Variants in KMO observed in about 807,000 individuals in gnomAD.
The protein encoded by KMO is kynurenine 3-hydroxylase.
A neutral mutation model predicts 57.8 loss-of-function variants in KMO; 24 were observed. The observed-to-expected ratio is 0.42, with a 90% CI of 0.30 to 0.58. The LOEUF (loss-of-function observed/expected upper bound fraction) is 0.58. Among genes scored for constraint, KMO ranks in the 20% least tolerant of loss-of-function variants. KMO has a pLI of 0.22. For synonymous variants in KMO, 210 were observed against 193.6 expected, an observed-to-expected ratio of 1.08 and a Z score of -0.70; for missense variants, 483 against 588.2, an observed-to-expected ratio of 0.82 and a Z score of 1.85.
Position 241,548,889 on chromosome 1 carries a change from G to A in KMO, c.115G>A (p.Ala39Thr). ...GAATTTCCAGATTGATGTATATGAA[G>A]CTAGGGAAGGTACGTCCATGGTGAA... ...KRNFQIDVYEAREDTRVATFT... is the reference protein window; with the variant it reads ...KRNFQIDVYETREDTRVATFT... The change falls in exon 2 of 15, where the codon GCT (alanine) becomes ACT (threonine). Residue 39 changes from alanine (A) to threonine (T), a missense_variant. Around this residue, in one of 3 missense-constraint regions of KMO, gnomAD observed 70 missense variants for 78.4 expected, o/e 0.89. Transcript: ENST00000366559. The A allele has an allele frequency of 6.2e-7, 1 of 1,605,276 alleles. No individual in the cohort carries two copies. The highest frequency in any genetic ancestry group is 2.2e-5 in the East Asian group (1 of 44,764).
intron 5 of KMO, among the ~76,000 whole-genome samples, chr1:241,556,152 T>TAGAG (rs1661614490): frequency 6.6e-6 from 1 of 152,152 alleles, no homozygotes; most frequent in African/African-American, 2.4e-5. Flanking sequence ...CTAAAGTTTT[T>TAGAG]AGAGACGAAG....
At chr1:241,582,215 A>C (rs1000432380) in intron 10 of KMO, among the ~76,000 whole-genome samples, 1 of 152,024 alleles carries the variant, frequency 6.6e-6, no homozygotes, top group Non-Finnish European at 1.5e-5. Context: ...TTGACCTTTG[A>C]GAGTTCCATT....
intron 7 of KMO, among the ~76,000 whole-genome samples, chr1:241,562,904 AAG>A (rs1661919296): frequency 1.8e-3 from 66 of 37,138 alleles, no homozygotes; most frequent in South Asian, 3.6e-3. Flanking sequence ...GGAAGGAAGG[AAG>A]GAAGGAAGGA....
At chr1:241,580,303 C>T (rs1471086689) in intron 10 of KMO, among the ~76,000 whole-genome samples, 1 of 152,166 alleles carries the variant, frequency 6.6e-6, no homozygotes, top group African/African-American at 2.4e-5. Flanking sequence ...CACATTTTAT[C>T]TTCCCAAGTG....
intron 10 of KMO, 96 bp downstream of exon 10, chr1:241,568,743 C>CA: frequency 8.8e-7 from 1 of 1,142,688 alleles, no homozygotes; most frequent in African/African-American, 1.6e-5. Context: ...ACTATCCCCA[C>CA]ATAATCCCTG....
intron 10 of KMO, among the ~76,000 whole-genome samples, chr1:241,574,955 G>C (rs1017583221): frequency 6.6e-6 from 1 of 151,846 alleles, no homozygotes; most frequent in Admixed American, 6.6e-5. Flanking sequence ...GCTTGTTATT[G>C]GTCCATTCAA....
Position 241,586,764 on chromosome 1 carries a change from C to CATGT in KMO, c.1015+30_1015+33dup, listed in dbSNP as rs1384544900. The CATGT allele has an allele frequency of 2.6e-6, 4 of 1,513,900 alleles. No individual in the cohort carries two copies. The African/African-American group carries it at 5.6e-5, about 21-fold the overall frequency. 93.8% of individuals were successfully genotyped at this position (1,513,900 alleles called of 1,614,324 possible). On this transcript the variant is annotated intron_variant, in intron 11 of 14. Coordinates refer to ENST00000366559, the MANE Select transcript of KMO (RefSeq NM_003679.5). ...AAGTAAGGTCAATTTCTCAACTGGA[C>CATGT]ATGTACTAGCTCTTCTGACTAATTG...
At chr1:241,534,813 A>G (rs187488158) in intron 1 of KMO, among the ~76,000 whole-genome samples, 267 of 152,316 alleles carry the variant, frequency 1.8e-3, no homozygotes, top group African/African-American at 6.1e-3. Flanking sequence ...CCTGCTTAAA[A>G]TCTTCCAATG....
intron 1 of KMO, among the ~76,000 whole-genome samples, chr1:241,543,462 C>T (rs1661026828): frequency 6.6e-6 from 1 of 152,084 alleles, no homozygotes; most frequent in South Asian, 2.1e-4. Context: ...ATATTCATAT[C>T]ATATCTCACT....
rs1663318103 is a variant in KMO at position 241,591,959 on chromosome 1, A to G, written c.1267A>G (p.Asn423Asp). The G allele has an allele frequency of 6.2e-7, 1 of 1,613,308 alleles. No homozygotes were observed. Among genetic ancestry groups the G allele is most frequent in the Non-Finnish European group, 8.5e-7 (1 of 1,179,442 alleles). ...AGTTCTTGCTGTCTTACAGGTGATA[A>G]ACAAAGGACTCTTTTTCTTGGGATC... is the stretch of plus-strand genomic sequence containing the variant. ...QRWHWQKKVI[N>D]KGLFFLGSLI... is the part of the protein sequence containing the mutation. Residue 423 changes from asparagine to aspartate, a missense_variant, in exon 15 of 15, where the codon AAC becomes GAC. By Grantham distance (23) the Asn-to-Asp change is conservative. Coordinates refer to ENST00000366559, the MANE Select transcript of KMO (RefSeq NM_003679.5).
At chr1:241,549,256 A>AGTAAGACG (rs369081687) in intron 2 of KMO, among the ~76,000 whole-genome samples, 2 of 114,808 alleles carry the variant, frequency 1.7e-5, no homozygotes, top group African/African-American at 3.2e-5. Context: ...AAAGAAAGAA[A>AGTAAGACG]GAAAGAAAGA....
intron 1 of KMO, among the ~76,000 whole-genome samples, chr1:241,541,510 G>C (rs1660957931): frequency 6.6e-6 from 1 of 152,154 alleles, no homozygotes; most frequent in Non-Finnish European, 1.5e-5. Context: ...ATGGAGTTCA[G>C]GACGAAGATC....
intron 1 of KMO, among the ~76,000 whole-genome samples, chr1:241,542,161 A>C (rs1295133351): frequency 6.6e-6 from 1 of 152,096 alleles, no homozygotes; most frequent in East Asian, 1.9e-4. Context: ...CAACATTTAT[A>C]AATTTAAATG....
chr1:241,546,950 A>G (rs369974292), intron 1 of KMO, among the ~76,000 whole-genome samples: 1 of 152,224 alleles, frequency 6.6e-6, no homozygotes, highest in East Asian at 1.9e-4. Flanking sequence ...GGGACTGGCC[A>G]GAGACGTATG....
Position 241,532,452 on chromosome 1 carries a change from C to G in KMO, c.8C>G (p.Ser3Ter). 6.2e-7 allele frequency: 1 copy of G among 1,610,846 alleles called. No homozygotes were observed. Among genetic ancestry groups the G allele is most frequent in the Non-Finnish European group, 8.5e-7 (1 of 1,179,198 alleles). MD[S>*]SVIQRKKVAV... is the part of the protein sequence containing the mutation. ...AAAAATACTTCAGCAGTTATGGACT[C>G]ATCTGTCATTCAAAGGAAAAAAGTA... The change falls in exon 1 of 15, where the codon TCA becomes TGA. Residue 3 changes from serine (S) to a stop codon, truncating the protein, a stop_gained. Transcript: ENST00000366559. LOFTEE classifies it high-confidence loss of function.
chr1:241,567,016 T>G (rs1389229802), intron 9 of KMO, among the ~76,000 whole-genome samples: 8 of 152,200 alleles, frequency 5.3e-5, no homozygotes, highest in Admixed American at 2.6e-4. Context: ...CTTTCCCATA[T>G]TCCACTCGTG....
chr1:241,557,593 G>A (rs1017651812), intron 5 of KMO, among the ~76,000 whole-genome samples: 3 of 152,164 alleles, frequency 2.0e-5, no homozygotes, highest in African/African-American at 7.2e-5. Flanking sequence ...AGTTATATTT[G>A]TCAGACTGCC....
At chr1:241,561,991 T>A (rs1203792229) in intron 6 of KMO, 176 bp from the exon 7 acceptor site, 3 of 595,150 alleles carry the variant, frequency 5.0e-6, no homozygotes, top group Admixed American at 3.0e-5. Context: ...AACTTATGAC[T>A]GGGACAAGTG....
At chr1:241,550,363 G>T (rs1661351350) in intron 3 of KMO, among the ~76,000 whole-genome samples, 1 of 152,174 alleles carries the variant, frequency 6.6e-6, no homozygotes, top group African/African-American at 2.4e-5. Flanking sequence ...GGCCCCATGG[G>T]TTTGGATAAA....
Sources: gnomAD v4.1 joint callset for allele counts (sites outside exome capture counted in the v4.1 genomes callset) on GRCh38, gnomAD v4.1.1 for gene constraint, gnomAD v4.1.1 regional missense constraint, MANE v1.5 for transcripts, NCBI Gene and HGNC (gene_info 2026-07-23, HGNC 2026-07-21) for gene names.